TMEM132D: variants seen among roughly 807,000 people sequenced by gnomAD.
TMEM132D encodes mature OL transmembrane protein.
TMEM132D carries 21 observed loss-of-function variants against 62.3 expected under a neutral mutation model. That is an observed-to-expected ratio of 0.34 (90% confidence interval 0.24 to 0.49). TMEM132D has a LOEUF of 0.49. TMEM132D is among the 20% of genes least tolerant of loss of function. TMEM132D has a pLI of 0.99. For synonymous variants in TMEM132D, 621 were observed against 575.6 expected, an observed-to-expected ratio of 1.08 and a Z score of -1.13; for missense variants, 1,346 against 1,402.8, an observed-to-expected ratio of 0.96 and a Z score of 0.65.
intron 2 of TMEM132D, among the ~76,000 whole-genome samples, chr12:129,633,766 C>T (rs1298636998): frequency 6.6e-6 from 1 of 152,126 alleles, no homozygotes; most frequent in Non-Finnish European, 1.5e-5. Context: ...CACATTGGTT[C>T]ATGTTCTCAT....
rs1331359856 is a variant in TMEM132D, at chr12:129,371,995, G to C, written c.1116-34178C>G. Among the ~76,000 whole-genome samples, 1 of 152,202 alleles carries C rather than the reference G, an allele frequency of 6.6e-6. No individual in the cohort carries two copies. The highest frequency in any genetic ancestry group is 1.5e-5 in the Non-Finnish European group (1 of 68,038). ...TTATATGTCAACTTAAGTTAGCTAAGGGATGTCCAGGTAGCTGATAAATGT... is the reference window on the plus strand; with the variant it reads ...TTATATGTCAACTTAAGTTAGCTAACGGATGTCCAGGTAGCTGATAAATGT... On this transcript the variant is annotated intron_variant, in intron 3 of 8. Transcript: ENST00000422113. This position sits in a 1 kb window ranked among gnomAD's most constrained non-coding sequence, Gnocchi z 4.3.
intron 4 of TMEM132D, among the ~76,000 whole-genome samples, chr12:129,223,138 G>C (rs550353964): frequency 2.0e-5 from 3 of 152,074 alleles, no homozygotes; most frequent in African/African-American, 7.2e-5. Flanking sequence ...CTGCCATGTG[G>C]AAGTGGAGTC....
Position 129,371,282 on chromosome 12 carries a change from G to A in TMEM132D, c.1116-33465C>T, listed in dbSNP as rs1368867174. 6.6e-6 allele frequency among the ~76,000 whole-genome samples: 1 copy of A among 151,780 alleles called. No homozygotes were observed. On this transcript the variant is annotated intron_variant, in intron 3 of 8. Coordinates refer to ENST00000422113, the MANE Select transcript of TMEM132D (RefSeq NM_133448.3). The surrounding 1 kb of genome is among the most constrained non-coding windows in gnomAD (Gnocchi z 4.3). ...TGATGATGATGAAGGTGGTGTTGGTGACGATGATGATGATGATGGAGATAA... is the reference window on the plus strand; with the variant it reads ...TGATGATGATGAAGGTGGTGTTGGTAACGATGATGATGATGATGGAGATAA...
intron 2 of TMEM132D, among the ~76,000 whole-genome samples, chr12:129,624,203 T>C (rs1347778226): frequency 6.6e-6 from 1 of 152,178 alleles, no homozygotes; most frequent in Non-Finnish European, 1.5e-5. Context: ...ACATAAGCTG[T>C]TTACACTTTT....
chr12:129,858,695 GA>G, intron 1 of TMEM132D, among the ~76,000 whole-genome samples: 1 of 37,612 alleles, frequency 2.7e-5, no homozygotes, highest in African/African-American at 1.0e-4. Context: ...AGAGTCCGGG[GA>G]AACGGGATGG....
chr12:129,672,876 T>C (rs1880532969), intron 2 of TMEM132D, among the ~76,000 whole-genome samples: 1 of 152,126 alleles, frequency 6.6e-6, no homozygotes, highest in African/African-American at 2.4e-5. Flanking sequence ...GCCTCTCCAG[T>C]AGCTGGGACT....
chr12:129,548,544 T>C (rs998560216), intron 2 of TMEM132D, among the ~76,000 whole-genome samples: 2 of 152,210 alleles, frequency 1.3e-5, no homozygotes, highest in African/African-American at 4.8e-5. Context: ...AAATCCCATA[T>C]TGGATATTAG....
intron 2 of TMEM132D, among the ~76,000 whole-genome samples, chr12:129,548,257 A>T (rs1215213436): frequency 6.6e-6 from 1 of 152,024 alleles, no homozygotes; most frequent in South Asian, 2.1e-4. Context: ...CACCTCCTTC[A>T]CTCGGTGCTG....
intron 2 of TMEM132D, among the ~76,000 whole-genome samples, chr12:129,595,878 A>G (rs937825127): frequency 6.6e-6 from 1 of 152,202 alleles, no homozygotes; most frequent in African/African-American, 2.4e-5. Context: ...AGCTAGAGAA[A>G]TGCTGATTTT....
chr12:129,643,805 AC>A (rs1174821470), intron 2 of TMEM132D, among the ~76,000 whole-genome samples: 2 of 150,802 alleles, frequency 1.3e-5, no homozygotes, highest in Non-Finnish European at 2.9e-5. Flanking sequence ...CAGTTGTCCC[AC>A]CTTTCCGGAC....
At chr12:129,226,610 T>C (rs185447054) in intron 4 of TMEM132D, among the ~76,000 whole-genome samples, 3 of 152,336 alleles carry the variant, frequency 2.0e-5, no homozygotes, top group Admixed American at 2.0e-4. Flanking sequence ...ATTGCTGCCT[T>C]ATAGGAATGT....
chr12:129,394,318 C>T (rs1350493428), intron 3 of TMEM132D, among the ~76,000 whole-genome samples: 1 of 152,176 alleles, frequency 6.6e-6, no homozygotes, highest in Non-Finnish European at 1.5e-5. Flanking sequence ...GAATACAAAC[C>T]CTGAACATGA....
intron 2 of TMEM132D, among the ~76,000 whole-genome samples, chr12:129,645,902 T>G (rs530379504): frequency 5.9e-5 from 9 of 152,234 alleles, no homozygotes; most frequent in Admixed American, 3.3e-4. Context: ...CCCTATATGT[T>G]CTAAAAGGGG....
At chr12:129,710,967 C>T (rs1881627681) in intron 1 of TMEM132D, among the ~76,000 whole-genome samples, 1 of 152,164 alleles carries the variant, frequency 6.6e-6, no homozygotes, top group Non-Finnish European at 1.5e-5. Context: ...TCGGTGTGCA[C>T]GCTGCCTCTC....
intron 3 of TMEM132D, among the ~76,000 whole-genome samples, chr12:129,349,074 G>C (rs766683336): frequency 1.3e-5 from 2 of 152,162 alleles, no homozygotes; most frequent in Non-Finnish European, 2.9e-5. Flanking sequence ...CAGGGACTTT[G>C]GTTTTCTCCT....
rs987235769 is a variant in TMEM132D, at chr12:129,324,193, CT to C, written c.1299+13440del. On this transcript the variant is annotated intron_variant, in intron 4 of 8. Coordinates refer to ENST00000422113, the MANE Select transcript of TMEM132D (RefSeq NM_133448.3). The stretch of plus-strand genomic sequence containing the variant: ...GTTATGATGAGTTTAGGAAGTCTGT[CT>C]TAGCCTGGCCTGGGTATCTGGTGAT... Among the ~76,000 whole-genome samples, 5 of 152,162 alleles carry C rather than the reference CT, an allele frequency of 3.3e-5. No individual in the cohort carries two copies. In the South Asian group the frequency reaches 8.3e-4, roughly 25 times the overall value.
intron 1 of TMEM132D, among the ~76,000 whole-genome samples, chr12:129,724,534 TG>T (rs1868958467): frequency 6.6e-6 from 1 of 152,222 alleles, no homozygotes; most frequent in African/African-American, 2.4e-5. Context: ...TTTTTGTTTT[TG>T]TTTTGAGATG....
At chr12:129,606,935 T>A (rs562103810) in intron 2 of TMEM132D, among the ~76,000 whole-genome samples, 1 of 152,334 alleles carries the variant, frequency 6.6e-6, no homozygotes, top group East Asian at 1.9e-4. Context: ...CATTGTTCAT[T>A]CTCTTGGATT....
chr12:129,706,556 C>A (rs2137232496), intron 1 of TMEM132D, among the ~76,000 whole-genome samples: 1 of 151,958 alleles, frequency 6.6e-6, no homozygotes, highest in African/African-American at 2.4e-5. Flanking sequence ...ATGTTACATA[C>A]CTCCTTTTCC....
Sources: gnomAD v4.1 joint callset for allele counts (sites outside exome capture counted in the v4.1 genomes callset) on GRCh38, gnomAD v4.1.1 for gene constraint, Gnocchi (gnomAD v3.1) non-coding constraint, MANE v1.5 for transcripts, NCBI Gene and HGNC (gene_info 2026-07-23, HGNC 2026-07-21) for gene names.